Variants in NTM observed in about 807,000 individuals in gnomAD.
The protein encoded by NTM is IgLON family member 2.
A neutral mutation model predicts 42.1 loss-of-function variants in NTM; 13 were observed. The observed-to-expected ratio is 0.31, with a 90% CI of 0.20 to 0.49. The LOEUF (loss-of-function observed/expected upper bound fraction) is 0.49. NTM is among the 20% of genes least tolerant of loss of function. The probability of loss-of-function intolerance (pLI) is 0.99; values close to 1 mark genes in which losing one functional copy is unlikely to be tolerated. For missense variants in NTM, 373 were observed against 452.8 expected (o/e 0.82, Z 1.60); for synonymous variants, 187 against 179.2 (o/e 1.04, Z -0.35).
chr11:132,061,242 A>G (rs989155854), intron 2 of NTM, among the ~76,000 whole-genome samples: 1 of 152,242 alleles, frequency 6.6e-6, no homozygotes, highest in African/African-American at 2.4e-5. Flanking sequence ...TCATACATAA[A>G]TAACATTTTG....
rs1443279848 is a variant in NTM, at chr11:131,763,707, C to CTTTTT, written c.83-147856_83-147855insTTTTT. Among the ~76,000 whole-genome samples the CTTTTT allele has an allele frequency of 3.3e-4, 20 of 60,792 alleles. 1 individual carries two copies. The highest frequency in any genetic ancestry group is 7.8e-4 in the African/African-American group (18 of 22,974). 39.9% of individuals were successfully genotyped at this position (60,792 alleles called of 152,430 possible). A position where few individuals can be genotyped will look rare whatever the true frequency, so the allele number is the denominator to read the frequency against. On this transcript the variant is annotated intron_variant, in intron 1 of 8. Transcript: ENST00000683400. ...TTCTTATCCACAGGCCCATCTCTCT[C>CTTTTT]TCTTTTTTTTTTTTTTTTTTTTTTT...
At chr11:131,599,937 C>T (rs1431936717) in intron 1 of NTM, among the ~76,000 whole-genome samples, 1 of 152,170 alleles carries the variant, frequency 6.6e-6, no homozygotes, top group Non-Finnish European at 1.5e-5. Flanking sequence ...GGAGTAAGGA[C>T]AGTTAAGGAG....
At chr11:132,030,999 C>T (rs556629455) in intron 2 of NTM, among the ~76,000 whole-genome samples, 1 of 152,164 alleles carries the variant, frequency 6.6e-6, no homozygotes, top group Non-Finnish European at 1.5e-5. Context: ...GCTACTCACC[C>T]AGACCTGGTT....
At chr11:131,704,273 C>A (rs1592632423) in intron 1 of NTM, among the ~76,000 whole-genome samples, 1 of 152,322 alleles carries the variant, frequency 6.6e-6, no homozygotes, top group East Asian at 1.9e-4. Context: ...CCTGTGGATG[C>A]AAGCCCGAGG....
At chr11:132,169,198 T>C (rs1311435960) in intron 3 of NTM, among the ~76,000 whole-genome samples, 2 of 151,976 alleles carry the variant, frequency 1.3e-5, no homozygotes, top group Non-Finnish European at 2.9e-5. Flanking sequence ...GGTTGAGTAA[T>C]CAGCTGTAGC....
At position 132,281,773 on chromosome 11, in the gene NTM, C is replaced by T. The variant is rs75406416; in HGVS notation, c.527-25916C>T. On this transcript the variant is annotated intron_variant, in intron 4 of 8. Coordinates refer to ENST00000683400, the MANE Select transcript of NTM (RefSeq NM_001352005.2). Reference sequence around the variant, plus strand: ...AGGGTTAATTGCATCATCTAGGAAGCGTTCAGGAATATAGCCTTGTGAATT... The same window carrying T: ...AGGGTTAATTGCATCATCTAGGAAGTGTTCAGGAATATAGCCTTGTGAATT... 8.3e-3 allele frequency among the ~76,000 whole-genome samples: 1,266 copies of T among 152,218 alleles called. 19 individuals are homozygous for T. Among genetic ancestry groups the T allele is most frequent in the African/African-American group, 0.029 (1,197 of 41,536 alleles).
chr11:132,330,072 T>C, intron 7 of NTM, 81 bp from the exon 8 acceptor site: 6 of 1,539,196 alleles, frequency 3.9e-6, no homozygotes, highest in African/African-American at 1.4e-5. Flanking sequence ...CGCCAGCTTC[T>C]TCCTGAAATC....
At chr11:131,608,624 T>G in intron 1 of NTM, among the ~76,000 whole-genome samples, 1 of 152,338 alleles carries the variant, frequency 6.6e-6, no homozygotes, top group East Asian at 1.9e-4. Context: ...TAGGCCTTGC[T>G]CCTGGGAACA....
chr11:132,058,953 G>A (rs909676893), intron 2 of NTM, among the ~76,000 whole-genome samples: 1 of 152,196 alleles, frequency 6.6e-6, no homozygotes, highest in Non-Finnish European at 1.5e-5. Flanking sequence ...AAGTAGAGGA[G>A]GAGTGAGAGG....
intron 1 of NTM, among the ~76,000 whole-genome samples, chr11:131,855,201 G>A (rs2045976174): frequency 6.6e-6 from 1 of 152,154 alleles, no homozygotes; most frequent in South Asian, 2.1e-4. Flanking sequence ...TACCCAGCAG[G>A]TAGTACGTAC....
In NTM at chr11:132,058,994, CAA is replaced by C. The variant is rs2080177706; in HGVS notation, c.168-87286_168-87285del. Among the ~76,000 whole-genome samples, 3 of 152,304 alleles carry C rather than the reference CAA, an allele frequency of 2.0e-5. No homozygotes were observed. The South Asian group carries it at 6.2e-4, about 32-fold the overall frequency. On this transcript the variant is annotated intron_variant, in intron 2 of 8. Coordinates refer to ENST00000683400, the MANE Select transcript of NTM (RefSeq NM_001352005.2). ...CAGTGTGCTGGTGGTATCAAGCGTG[CAA>C]ACTCTGTTTAAGAACTCCTTTCACA...
intron 1 of NTM, among the ~76,000 whole-genome samples, chr11:131,661,387 A>G (rs547974029): frequency 2.2e-4 from 33 of 152,258 alleles, no homozygotes; most frequent in Non-Finnish European, 2.5e-4. Flanking sequence ...AAGGAAAATC[A>G]AGAACAAGGA....
At chr11:132,220,545 T>C (rs2084937349) in intron 4 of NTM, among the ~76,000 whole-genome samples, 1 of 152,182 alleles carries the variant, frequency 6.6e-6, no homozygotes, top group African/African-American at 2.4e-5. Flanking sequence ...ATGTGCTGAA[T>C]TGAGAACATA....
intron 1 of NTM, among the ~76,000 whole-genome samples, chr11:131,554,296 G>A (rs906485914): frequency 6.6e-6 from 1 of 152,166 alleles, no homozygotes; most frequent in Non-Finnish European, 1.5e-5. Context: ...GCTGAATGAA[G>A]ACTAAATGAT....
At chr11:131,986,982 G>C (rs1220790474) in intron 2 of NTM, among the ~76,000 whole-genome samples, 1 of 152,164 alleles carries the variant, frequency 6.6e-6, no homozygotes, top group Admixed American at 6.5e-5. Context: ...TGTTAACCAA[G>C]AGATGAAAGG....
chr11:131,959,548 A>T (rs916800494), intron 2 of NTM, among the ~76,000 whole-genome samples: 3 of 152,152 alleles, frequency 2.0e-5, no homozygotes, highest in Admixed American at 6.5e-5. Context: ...TGGTGGGAGG[A>T]TCACTTGATC....
At position 131,601,720 on chromosome 11, in the gene NTM, T is replaced by C. The variant is rs118076280; in HGVS notation, c.82+230832T>C. On this transcript the variant is annotated intron_variant, in intron 1 of 8. Transcript: ENST00000683400. The stretch of plus-strand genomic sequence containing the variant: ...CTGACTACAAGTTTCTCAAATTGAA[T>C]TGTGGCCTGTGTCTGACTCATTGGG... 6.9e-3 allele frequency among the ~76,000 whole-genome samples: 1,057 copies of C among 152,334 alleles called. 3 individuals are homozygous for C. Among genetic ancestry groups the C allele is most frequent in the Non-Finnish European group, 0.011 (730 of 68,016 alleles).
intron 4 of NTM, among the ~76,000 whole-genome samples, chr11:132,262,608 A>T (rs1363056151): frequency 6.6e-6 from 1 of 152,158 alleles, no homozygotes; most frequent in African/African-American, 2.4e-5. Context: ...CTTTAATTCC[A>T]TTCACGAGGA....
intron 2 of NTM, among the ~76,000 whole-genome samples, chr11:132,026,104 A>G (rs923762180): frequency 2.6e-5 from 4 of 152,238 alleles, no homozygotes; most frequent in African/African-American, 9.6e-5. Context: ...TGGGAAATAC[A>G]AAGTACTGTA....
Sources: gnomAD v4.1 joint callset for allele counts (sites outside exome capture counted in the v4.1 genomes callset) on GRCh38, gnomAD v4.1.1 for gene constraint, MANE v1.5 for transcripts, NCBI Gene and HGNC (gene_info 2026-07-23, HGNC 2026-07-21) for gene names.